MTMR8: variants seen among roughly 807,000 people sequenced by gnomAD.
The protein encoded by MTMR8 is phosphatidylinositol-3,5-bisphosphate 3-phosphatase MTMR8.
MTMR8 carries 65 observed loss-of-function variants against 39.3 expected under a neutral mutation model. The observed-to-expected ratio is 1.65, with a 90% CI of 1.35 to 2.03. MTMR8 has a LOEUF of 2.03. Among genes scored for constraint, MTMR8 ranks in the 30% most tolerant of loss-of-function variants. The pLI, the probability that MTMR8 is intolerant of heterozygous loss-of-function variation, is 0.00. For missense variants in MTMR8, 777 were observed against 538.9 expected, an observed-to-expected ratio of 1.44 and a Z score of -4.37; for synonymous variants, 245 against 185.2, an observed-to-expected ratio of 1.32 and a Z score of -2.62.
intron 1 of MTMR8, among the ~76,000 whole-genome samples, chrX:64,368,872 C>T (rs1162362561): frequency 8.9e-6 from 1 of 112,079 alleles, no homozygotes; most frequent in Non-Finnish European, 1.9e-5. Flanking sequence ...TGACAAAGGG[C>T]TAATATCCAG....
chrX:64,279,331 A>G (rs1400239039), intron 12 of MTMR8, among the ~76,000 whole-genome samples: 1 of 112,340 alleles, frequency 8.9e-6, no homozygotes, highest in Non-Finnish European at 1.9e-5. Context: ...CTTCATGAAA[A>G]TACTAAACAT....
In MTMR8 at chrX:64,390,766, C is replaced by T. The variant is rs370082737; in HGVS notation, c.24+4574G>A. 3.9e-3 allele frequency among the ~76,000 whole-genome samples: 430 copies of T among 110,370 alleles called. 3 individuals carry two copies. The highest frequency in any genetic ancestry group is 0.013 in the African/African-American group (404 of 30,340). On this transcript the variant is annotated intron_variant, in intron 1 of 13. Coordinates refer to ENST00000374852, the MANE Select transcript of MTMR8 (RefSeq NM_017677.4). Reference sequence around the variant, plus strand: ...TCCCAGATTCAAGCCATCCCCACCGCCCCCCCAGCCTCTCGAGTAGCTGAG... The same window carrying T: ...TCCCAGATTCAAGCCATCCCCACCGTCCCCCCAGCCTCTCGAGTAGCTGAG...
At chrX:64,365,300 C>T (rs1221033077) in intron 1 of MTMR8, among the ~76,000 whole-genome samples, 3 of 110,144 alleles carry the variant, frequency 2.7e-5, no homozygotes, top group African/African-American at 6.6e-5. Context: ...CACCAAGACA[C>T]ATAATTGTCA....
intron 12 of MTMR8, among the ~76,000 whole-genome samples, chrX:64,323,641 G>A (rs1922713618): frequency 1.8e-5 from 2 of 112,234 alleles, no homozygotes; most frequent in African/African-American, 6.5e-5. Context: ...ACTTTCTCTA[G>A]GACAGATCAT....
intron 1 of MTMR8, among the ~76,000 whole-genome samples, chrX:64,362,116 A>C (rs769978271): frequency 1.8e-5 from 2 of 110,420 alleles, no homozygotes; most frequent in Admixed American, 9.7e-5. Flanking sequence ...TAGCTTAATT[A>C]ACCAAGTATA....
chrX:64,314,334 T>C (rs1410681617), intron 12 of MTMR8, among the ~76,000 whole-genome samples: 1 of 112,870 alleles, frequency 8.9e-6, no homozygotes, highest in Non-Finnish European at 1.9e-5. Flanking sequence ...GGTGCCAGCA[T>C]GCCTGCCTCC....
intron 1 of MTMR8, among the ~76,000 whole-genome samples, chrX:64,384,034 T>G (rs1383930335): frequency 2.7e-5 from 3 of 111,879 alleles, no homozygotes; most frequent in Non-Finnish European, 5.6e-5. Context: ...TACAATGGGG[T>G]TATAAGCATT....
intron 12 of MTMR8, among the ~76,000 whole-genome samples, chrX:64,314,057 A>T (rs1384922154): frequency 8.9e-6 from 1 of 112,416 alleles, no homozygotes; most frequent in Non-Finnish European, 1.9e-5. Context: ...GCCTCAGCTC[A>T]GGACTCCGGA....
chrX:64,297,054 T>A (rs1351548584), intron 12 of MTMR8, among the ~76,000 whole-genome samples: 5 of 96,136 alleles, frequency 5.2e-5, no homozygotes, highest in African/African-American at 1.9e-4. Flanking sequence ...TGTGCATGTG[T>A]CTTTATAGCA....
chrX:64,347,677 TAGTC>T lies in MTMR8; in HGVS notation c.732+979_732+982del, dbSNP rs769829058. ...GACTAGAATCAGCAATGAAACCTCT[TAGTC>T]AGTCACACTTTACATACCAAATTAT... On this transcript the variant is annotated intron_variant, in intron 6 of 13. Coordinates refer to ENST00000374852, the MANE Select transcript of MTMR8 (RefSeq NM_017677.4). Among the ~76,000 whole-genome samples, 59 of 112,645 alleles carry T rather than the reference TAGTC, an allele frequency of 5.2e-4. No individual in the cohort carries two copies. The Middle Eastern group carries it at 0.014, about 26-fold the overall frequency.
At chrX:64,366,930 C>T (rs765955513) in intron 1 of MTMR8, among the ~76,000 whole-genome samples, 6 of 111,381 alleles carry the variant, frequency 5.4e-5, no homozygotes, top group Admixed American at 1.9e-4. Flanking sequence ...ATATCACCAT[C>T]GATCCCACAG....
intron 1 of MTMR8, among the ~76,000 whole-genome samples, chrX:64,367,763 A>C (rs779428398): frequency 6.8e-4 from 75 of 110,888 alleles, no homozygotes; most frequent in African/African-American, 2.2e-3. Flanking sequence ...TGGCCAGGGC[A>C]ATCAGGCAAG....
intron 8 of MTMR8, among the ~76,000 whole-genome samples, chrX:64,338,371 C>A (rs1923130617): frequency 8.9e-6 from 1 of 112,260 alleles, no homozygotes; most frequent in Non-Finnish European, 1.9e-5. Context: ...AAAAGATAAC[C>A]AGCAAGGAGG....
chrX:64,393,674 T>C (rs1051409903), intron 1 of MTMR8, among the ~76,000 whole-genome samples: 13 of 111,372 alleles, frequency 1.2e-4, no homozygotes, highest in African/African-American at 4.3e-4. Flanking sequence ...CCCGTACAAA[T>C]GACATGATCC....
Position 64,336,098 on chromosome X carries a change from C to T in MTMR8, c.1132G>A (p.Gly378Ser). Residue 378 changes from glycine (G) to serine (S), a missense_variant, in exon 10 of 14, where the codon GGC (glycine) becomes AGC (serine). Physicochemically the swap from Gly to Ser is moderately conservative, Grantham distance 56 (BLOSUM62 0). Coordinates refer to ENST00000374852, the MANE Select transcript of MTMR8 (RefSeq NM_017677.4). ...TTTTACCTTTGGGAAAACTTGTGGC[C>T]CATGGATATCCATTCCTTCTCTATC... ...ILIEKEWISM[G>S]HKFSQRCGHL... 8.4e-7 allele frequency: 1 copy of T among 1,192,316 alleles called. No homozygotes were observed. The highest frequency in any genetic ancestry group is 1.1e-6 in the Non-Finnish European group (1 of 883,812).
intron 12 of MTMR8, among the ~76,000 whole-genome samples, chrX:64,287,125 C>G (rs1387098663): frequency 9.0e-6 from 1 of 111,680 alleles, no homozygotes; most frequent in Non-Finnish European, 1.9e-5. Flanking sequence ...TCTCAGGATA[C>G]AAAAATCAAT....
At chrX:64,299,730 T>C (rs1921770993) in intron 12 of MTMR8, among the ~76,000 whole-genome samples, 1 of 101,402 alleles carries the variant, frequency 9.9e-6, no homozygotes, top group African/African-American at 3.6e-5. Flanking sequence ...GCTATAAATT[T>C]CCCTCTACAC....
intron 12 of MTMR8, among the ~76,000 whole-genome samples, chrX:64,302,798 G>A (rs192680949): frequency 1.8e-5 from 2 of 112,184 alleles, no homozygotes; most frequent in African/African-American, 6.5e-5. Context: ...AAAAACTGTA[G>A]GGCAATAAAG....
intron 12 of MTMR8, among the ~76,000 whole-genome samples, chrX:64,278,456 GCT>G (rs1479047573): frequency 1.5e-4 from 5 of 34,200 alleles, no homozygotes. Flanking sequence ...TATTTATTTT[GCT>G]GGTTTTTTTT....
Sources: gnomAD v4.1 joint callset for allele counts (sites outside exome capture counted in the v4.1 genomes callset) on GRCh38, gnomAD v4.1.1 for gene constraint, MANE v1.5 for transcripts, NCBI Gene and HGNC (gene_info 2026-07-23, HGNC 2026-07-21) for gene names.